Variants in FAM117B observed in about 807,000 individuals in gnomAD.
FAM117B encodes protein FAM117B.
In FAM117B, 22 loss-of-function variants were observed where a neutral mutation model predicts 52.8. That is an observed-to-expected ratio of 0.42 (90% CI 0.30 to 0.59). The LOEUF (loss-of-function observed/expected upper bound fraction) is 0.59, where lower values mean the gene tolerates loss of function less well. Among genes scored for constraint, FAM117B ranks in the 20% least tolerant of loss-of-function variants. FAM117B has a pLI of 0.22. For missense variants in FAM117B, 678 were observed against 802.6 expected, an observed-to-expected ratio of 0.84 and a Z score of 1.88; for synonymous variants, 309 against 324.1, an observed-to-expected ratio of 0.95 and a Z score of 0.50.
Position 202,670,484 on chromosome 2 carries a change from A to C in FAM117B, c.602-25397A>C, listed in dbSNP as rs564443552. Among the ~76,000 whole-genome samples, 3 of 152,104 alleles carry C rather than the reference A, an allele frequency of 2.0e-5. No homozygotes were observed. In the South Asian group the frequency reaches 6.2e-4, roughly 32 times the overall value. The stretch of plus-strand genomic sequence containing the variant: ...TTTGTATTTTTAGAGACGGGGTTTC[A>C]TGAAACACGTTGGCCATTCTGGTCT... On this transcript the variant is annotated intron_variant, in intron 1 of 7. Transcript: ENST00000392238.
At chr2:202,709,824 G>A (rs533515706) in intron 2 of FAM117B, among the ~76,000 whole-genome samples, 69 of 152,006 alleles carry the variant, frequency 4.5e-4, no homozygotes, top group Non-Finnish European at 8.7e-4. Context: ...ATTTTTGTAT[G>A]GGGTAAGAGT....
intron 1 of FAM117B, among the ~76,000 whole-genome samples, chr2:202,649,644 C>T (rs752949783): frequency 4.6e-5 from 7 of 151,598 alleles, no homozygotes; most frequent in South Asian, 2.1e-4. Flanking sequence ...CTGTGCCTCC[C>T]GGGTTCAAGT....
At position 202,769,472 on chromosome 2, in the gene FAM117B, T is replaced by C. The variant is rs1438447507; in HGVS notation, c.*3708T>C. 2 of 152,580 alleles carry C rather than the reference T, an allele frequency of 1.3e-5. No homozygotes were observed. The highest frequency in any genetic ancestry group is 6.5e-5 in the Admixed American group (1 of 15,282). The allele number at this position is 152,580 out of a possible 1,614,324, so 9.5% of individuals were successfully genotyped here. ...CACTTTAAGTTCTACTCTGACCAAA[T>C]TGAAGATGAGCAGAGCAGCCCTGAA... On this transcript the variant is annotated 3_prime_UTR_variant, in exon 8 of 8. Coordinates refer to ENST00000392238, the MANE Select transcript of FAM117B (RefSeq NM_173511.4).
intron 4 of FAM117B, among the ~76,000 whole-genome samples, chr2:202,736,306 G>A (rs1691436752): frequency 6.6e-6 from 1 of 152,154 alleles, no homozygotes; most frequent in South Asian, 2.1e-4. Context: ...AGCTGTAAAG[G>A]TAGGTACCAG....
intron 1 of FAM117B, among the ~76,000 whole-genome samples, chr2:202,677,693 G>A (rs1254668071): frequency 4.6e-5 from 7 of 152,106 alleles, no homozygotes; most frequent in African/African-American, 1.7e-4. Flanking sequence ...TGGAGGGTAG[G>A]ATTAATGATA....
intron 2 of FAM117B, among the ~76,000 whole-genome samples, chr2:202,704,566 T>C (rs936902758): frequency 6.6e-6 from 1 of 152,178 alleles, no homozygotes; most frequent in African/African-American, 2.4e-5. Flanking sequence ...TGTAGACTTT[T>C]GGCAAATTTT....
chr2:202,741,179 T>C (rs1691529941), intron 4 of FAM117B, among the ~76,000 whole-genome samples: 1 of 151,994 alleles, frequency 6.6e-6, no homozygotes, highest in South Asian at 2.1e-4. Context: ...CCCAGCACTT[T>C]GGGAGGCTAA....
intron 1 of FAM117B, among the ~76,000 whole-genome samples, chr2:202,656,658 T>C (rs1258265978): frequency 6.6e-6 from 1 of 152,204 alleles, no homozygotes; most frequent in Non-Finnish European, 1.5e-5. Flanking sequence ...TGCCCTTGTG[T>C]ATTGTGCTGT....
chr2:202,754,701 A>ATATG (rs1266322291), intron 4 of FAM117B, among the ~76,000 whole-genome samples: 1 of 151,702 alleles, frequency 6.6e-6, no homozygotes, highest in Non-Finnish European at 1.5e-5. Context: ...AGCCTGGCCA[A>ATATG]TATGGTGAAA....
At chr2:202,635,935 C>T in intron 1 of FAM117B, 147 bp downstream of exon 1, 1 of 995,532 alleles carries the variant, frequency 1.0e-6, no homozygotes, top group Non-Finnish European at 1.3e-6. Context: ...CGGTGGGGGA[C>T]CCGGCAGTGC....
intron 1 of FAM117B, among the ~76,000 whole-genome samples, chr2:202,683,762 C>T (rs1390776338): frequency 6.6e-6 from 1 of 152,050 alleles, no homozygotes; most frequent in Non-Finnish European, 1.5e-5. Context: ...GCTCATAAAC[C>T]CTTTAAGAAA....
chr2:202,700,005 A>G (rs942661800), intron 2 of FAM117B, among the ~76,000 whole-genome samples: 19 of 152,206 alleles, frequency 1.2e-4, no homozygotes, highest in Admixed American at 1.1e-3. Context: ...AACCATGCCT[A>G]TATAAGACGG....
intron 7 of FAM117B, among the ~76,000 whole-genome samples, chr2:202,764,341 T>C (rs999292484): frequency 6.6e-6 from 1 of 152,038 alleles, no homozygotes; most frequent in Non-Finnish European, 1.5e-5. Context: ...TATGGCTCAG[T>C]ACAACCTCCA....
At chr2:202,648,577 G>T (rs765344238) in intron 1 of FAM117B, among the ~76,000 whole-genome samples, 22 of 143,576 alleles carry the variant, frequency 1.5e-4, no homozygotes, top group Admixed American at 2.3e-4. Flanking sequence ...GTGTGTGTGC[G>T]TGTATGTCGT....
At chr2:202,727,825 C>T (rs926268199) in intron 4 of FAM117B, among the ~76,000 whole-genome samples, 1 of 152,108 alleles carries the variant, frequency 6.6e-6, no homozygotes, top group African/African-American at 2.4e-5. Flanking sequence ...TAAGGCAGGC[C>T]AACCCCTTTT....
intron 1 of FAM117B, among the ~76,000 whole-genome samples, chr2:202,695,427 C>A (rs955991852): frequency 1.3e-5 from 2 of 152,104 alleles, no homozygotes; most frequent in Non-Finnish European, 2.9e-5. Flanking sequence ...GTGAATCATT[C>A]CTTTGTCCAA....
chr2:202,653,419 G>T (rs574641368), intron 1 of FAM117B, among the ~76,000 whole-genome samples: 6 of 152,152 alleles, frequency 3.9e-5, no homozygotes, highest in Non-Finnish European at 8.8e-5. Context: ...GCTTAGGCTG[G>T]TCTGGAACTC....
intron 1 of FAM117B, among the ~76,000 whole-genome samples, chr2:202,653,149 T>A (rs1689981222): frequency 1.3e-5 from 2 of 152,042 alleles, no homozygotes; most frequent in Admixed American, 1.3e-4. Context: ...ACACCTGTAG[T>A]CCCAGCTGCT....
In FAM117B at chr2:202,745,357, T is replaced by G. The variant is rs565163917; in HGVS notation, c.961-10181T>G. ...GAATTAATCACCACTAGGTCAGCCCTACAAGGAATACTTAAGCAAGTCCTA... is the reference window on the plus strand; with the variant it reads ...GAATTAATCACCACTAGGTCAGCCCGACAAGGAATACTTAAGCAAGTCCTA... On this transcript the variant is annotated intron_variant, in intron 4 of 7. Transcript: ENST00000392238. 1.2e-4 allele frequency among the ~76,000 whole-genome samples: 18 copies of G among 151,642 alleles called. No individual in the cohort carries two copies. In the South Asian group the frequency reaches 1.7e-3, roughly 14 times the overall value.
Sources: allele counts gnomAD v4.1 joint callset (sites outside exome capture counted in the v4.1 genomes callset), GRCh38; gene constraint gnomAD v4.1.1; transcripts MANE v1.5; gene names NCBI Gene and HGNC (gene_info 2026-07-23, HGNC 2026-07-21).